The following LRRC8C variants were observed in gnomAD, a reference collection of about 807,000 sequenced individuals.
LRRC8C encodes leucine rich repeat containing 8 VRAC subunit C, also known as volume-regulated anion channel subunit LRRC8C.
In LRRC8C, 20 loss-of-function variants were observed where a neutral mutation model predicts 55.3. That is an observed-to-expected ratio of 0.36 (90% CI 0.25 to 0.53). LRRC8C has a LOEUF of 0.53. Among genes scored for constraint, LRRC8C ranks in the 20% least tolerant of loss-of-function variants. LRRC8C has a pLI of 0.92. For missense variants in LRRC8C, 659 were observed against 951.4 expected, an observed-to-expected ratio of 0.69 and a Z score of 4.04; for synonymous variants, 376 against 360.7, an observed-to-expected ratio of 1.04 and a Z score of -0.48.
At chr1:89,670,831 C>T (rs759756932) in intron 1 of LRRC8C, among the ~76,000 whole-genome samples, 96 of 152,214 alleles carry the variant, frequency 6.3e-4, no homozygotes, top group Non-Finnish European at 8.4e-4. Context: ...AGGGCAGTCC[C>T]ATGCTTGGTT....
chr1:89,684,626 A>AC (rs1334319350), intron 1 of LRRC8C, among the ~76,000 whole-genome samples: 1 of 152,202 alleles, frequency 6.6e-6, no homozygotes, highest in Non-Finnish European at 1.5e-5. Flanking sequence ...GGGCAGTGGG[A>AC]CTGTAATAAT....
intron 2 of LRRC8C, among the ~76,000 whole-genome samples, chr1:89,695,487 G>C (rs1226719440): frequency 1.3e-5 from 2 of 152,156 alleles, no homozygotes; most frequent in Non-Finnish European, 2.9e-5. Flanking sequence ...AAATGTTATA[G>C]GTGATAGATA....
intron 2 of LRRC8C, among the ~76,000 whole-genome samples, chr1:89,702,601 AT>A (rs202107256): frequency 3.3e-5 from 5 of 151,058 alleles, no homozygotes; most frequent in South Asian, 2.1e-4. Flanking sequence ...TAAAAAATAA[AT>A]TTTTTTTTCA....
At chr1:89,630,258 C>T (rs1237459359), upstream of LRRC8C, among the ~76,000 whole-genome samples, 1 of 152,188 alleles carries the variant, frequency 6.6e-6, no homozygotes, top group Non-Finnish European at 1.5e-5. Context: ...ATACAACCCA[C>T]TAGAGGGGTT....
Position 89,660,361 on chromosome 1 carries a change from T to G in LRRC8C, c.-4-26109T>G, listed in dbSNP as rs116289757. Among the ~76,000 whole-genome samples, 474 of 152,240 alleles carry G rather than the reference T, an allele frequency of 3.1e-3. 1 individual carries two copies. The highest frequency in any genetic ancestry group is 9.4e-3 in the South Asian group (45 of 4,810). ...TCTCAACCTCACCTACATGTTGGAA[T>G]CACTTGAGGACCTCTAAAACAAAAC... is the stretch of plus-strand genomic sequence containing the variant. On this transcript the variant is annotated intron_variant, in intron 1 of 2. Transcript: ENST00000370454.
At chr1:89,710,072 A>G (rs1658606726) in intron 2 of LRRC8C, among the ~76,000 whole-genome samples, 4 of 152,100 alleles carry the variant, frequency 2.6e-5, no homozygotes, top group Admixed American at 2.0e-4. Context: ...CATATCATTA[A>G]CAATATCGTA....
At chr1:89,706,999 T>C (rs1023309843) in intron 2 of LRRC8C, among the ~76,000 whole-genome samples, 12 of 152,172 alleles carry the variant, frequency 7.9e-5, no homozygotes, top group African/African-American at 2.7e-4. Flanking sequence ...AAGTACTGCA[T>C]AGATATTATC....
At chr1:89,686,241 G>A (rs988844836) in intron 1 of LRRC8C, among the ~76,000 whole-genome samples, 2 of 152,096 alleles carry the variant, frequency 1.3e-5, no homozygotes, top group African/African-American at 4.8e-5. Context: ...AGCACAAAGG[G>A]AACCTTGTCA....
At chr1:89,681,948 T>G (rs1292913340) in intron 1 of LRRC8C, among the ~76,000 whole-genome samples, 1 of 152,110 alleles carries the variant, frequency 6.6e-6, no homozygotes, top group Non-Finnish European at 1.5e-5. Flanking sequence ...GAGGCCGAGG[T>G]GAGCAGATCA....
At position 89,714,667 on chromosome 1, in the gene LRRC8C, C is replaced by A; in HGVS notation, c.2097C>A (p.Pro699=). The change falls in exon 3 of 3, where the codon CCC becomes CCA. Residue 699 remains proline (P), a synonymous_variant. Transcript: ENST00000370454. This position sits in a 1 kb window ranked among gnomAD's most constrained non-coding sequence, Gnocchi z 4.6. ...CGTACAATGACATTCGATTTATCCC[C>A]CCTGAAATTGGAGTTCTACAAAGTT... ...DLSYNDIRFI[P]PEIGVLQSLQ... 1 of 1,614,156 alleles carries A rather than the reference C, an allele frequency of 6.2e-7. No individual in the cohort carries two copies. The highest frequency in any genetic ancestry group is 8.5e-7 in the Non-Finnish European group (1 of 1,180,030).
intron 1 of LRRC8C, among the ~76,000 whole-genome samples, chr1:89,646,737 A>G (rs1656624740): frequency 6.6e-6 from 1 of 152,160 alleles, no homozygotes. Flanking sequence ...ATTCAGCATT[A>G]TACAGGAGGC....
upstream of LRRC8C, chr1:89,629,609 C>G (rs186646449): frequency 6.2e-4 from 94 of 152,108 alleles, no homozygotes; most frequent in African/African-American, 2.0e-3. Flanking sequence ...AAGTCAGAAC[C>G]AATACAAGAA....
intron 1 of LRRC8C, among the ~76,000 whole-genome samples, chr1:89,634,411 C>A (rs1656222049): frequency 6.6e-6 from 1 of 152,158 alleles, no homozygotes; most frequent in Admixed American, 6.5e-5. Context: ...GAAATCGCAG[C>A]CGTTTGTAAG....
intron 2 of LRRC8C, among the ~76,000 whole-genome samples, chr1:89,709,889 C>T (rs919400154): frequency 1.3e-5 from 2 of 151,978 alleles, no homozygotes; most frequent in Non-Finnish European, 2.9e-5. Flanking sequence ...GTAGTTGGGA[C>T]TACAGGCGCC....
chr1:89,643,626 GTTGTGT>G (rs1444692590), intron 1 of LRRC8C, among the ~76,000 whole-genome samples: 8 of 152,174 alleles, frequency 5.3e-5, no homozygotes, highest in Non-Finnish European at 1.2e-4. Context: ...ACAAAAATGA[GTTGTGT>G]TTTTGTAAGT....
At chr1:89,657,044 C>T in intron 1 of LRRC8C, among the ~76,000 whole-genome samples, 1 of 152,150 alleles carries the variant, frequency 6.6e-6, no homozygotes. Context: ...GGCTATAAAA[C>T]ATACATTGTA....
In LRRC8C at chr1:89,717,546, A is replaced by G. The variant is rs1252913045; in HGVS notation, c.*2564A>G. On this transcript the variant is annotated 3_prime_UTR_variant, in exon 3 of 3. Transcript: ENST00000370454. ...TCTGTGACTTCATGTTTTAACTAAG[A>G]AGGAAAATTCATAGATATTCCTATT... The G allele has an allele frequency of 6.6e-6, 1 of 152,152 alleles. No homozygotes were observed. Among genetic ancestry groups the G allele is most frequent in the Non-Finnish European group, 1.5e-5 (1 of 68,016 alleles). 9.4% of individuals were successfully genotyped at this position (152,152 alleles called of 1,614,324 possible).
At chr1:89,682,968 C>G (rs997084273) in intron 1 of LRRC8C, among the ~76,000 whole-genome samples, 5 of 152,118 alleles carry the variant, frequency 3.3e-5, no homozygotes, top group Admixed American at 2.0e-4. Context: ...CATATATATC[C>G]TCAAAATGAA....
the LRRC8C span, among the ~76,000 whole-genome samples, chr1:89,619,436 A>G: frequency 6.7e-6 from 1 of 150,086 alleles, no homozygotes; most frequent in Non-Finnish European, 1.5e-5. Context: ...ATTTATTTAC[A>G]TAAATGAATA....
Sources: allele counts gnomAD v4.1 joint callset (sites outside exome capture counted in the v4.1 genomes callset), GRCh38; gene constraint gnomAD v4.1.1; non-coding constraint Gnocchi (gnomAD v3.1); transcripts MANE v1.5; gene names NCBI Gene and HGNC (gene_info 2026-07-23, HGNC 2026-07-21).